Variants in SGPP2 observed in about 807,000 individuals in gnomAD.
SGPP2 encodes sphingosine 1-phosphate phosphohydrolase 2.
In SGPP2, 30 loss-of-function variants were observed where a neutral mutation model predicts 33.9. The ratio of observed to expected loss-of-function variants is 0.89; its 90% CI spans 0.66 to 1.20. The LOEUF (loss-of-function observed/expected upper bound fraction) is 1.20. Ranked by LOEUF, SGPP2 falls within the 50% of genes most tolerant of loss-of-function variation. SGPP2 has a pLI of 0.00. For synonymous variants in SGPP2, 233 were observed against 225.0 expected, an observed-to-expected ratio of 1.04 and a Z score of -0.32; for missense variants, 458 against 532.1, an observed-to-expected ratio of 0.86 and a Z score of 1.37.
chr2:222,443,240 A>C (rs1010768425), intron 1 of SGPP2, among the ~76,000 whole-genome samples: 1 of 152,132 alleles, frequency 6.6e-6, no homozygotes, highest in African/African-American at 2.4e-5. Flanking sequence ...AATTTAATTT[A>C]GATTCATTGA....
rs535872165 is a variant in SGPP2 at position 222,476,575 on chromosome 2, G to A, written c.378+1849G>A. ...TGTCCACGGAGCAGGCAGGATGGGGGCAGGAGAGAGAGAATGGGAGTGGTC... is the reference window on the plus strand; with the variant it reads ...TGTCCACGGAGCAGGCAGGATGGGGACAGGAGAGAGAGAATGGGAGTGGTC... On this transcript the variant is annotated intron_variant, in intron 2 of 4. Transcript: ENST00000321276. This position sits in a 1 kb window ranked among gnomAD's most constrained non-coding sequence, Gnocchi z 4.3. Among the ~76,000 whole-genome samples the A allele has an allele frequency of 3.9e-4, 59 of 152,136 alleles. No individual in the cohort carries two copies. Among genetic ancestry groups the A allele is most frequent in the Non-Finnish European group, 7.1e-4 (48 of 68,020 alleles).
Position 222,472,786 on chromosome 2 carries a change from A to G in SGPP2, c.220-1782A>G, listed in dbSNP as rs186312713. 4.6e-4 allele frequency among the ~76,000 whole-genome samples: 70 copies of G among 152,338 alleles called. No individual in the cohort carries two copies. The East Asian group carries it at 0.011, about 24-fold the overall frequency. ...GTTAAACTAAACTAAAGGCCAAGGCAGGCAGATTACCTGAAGTCAGGAGTT... is the reference window on the plus strand; with the variant it reads ...GTTAAACTAAACTAAAGGCCAAGGCGGGCAGATTACCTGAAGTCAGGAGTT... On this transcript the variant is annotated intron_variant, in intron 1 of 4. Coordinates refer to ENST00000321276, the MANE Select transcript of SGPP2 (RefSeq NM_152386.4).
chr2:222,525,553 GGTCC>G (rs1299433991), intron 4 of SGPP2, among the ~76,000 whole-genome samples: 1 of 152,140 alleles, frequency 6.6e-6, no homozygotes, highest in African/African-American at 2.4e-5. Context: ...TGCATGTAAA[GGTCC>G]ATCCACCCTT....
At position 222,430,690 on chromosome 2, in the gene SGPP2, G is replaced by T. The variant is rs140569573; in HGVS notation, c.219+5869G>T. 1.4e-4 allele frequency among the ~76,000 whole-genome samples: 22 copies of T among 152,194 alleles called. No individual in the cohort carries two copies. In the East Asian group the frequency reaches 2.9e-3, roughly 20 times the overall value. ...AAGTGCGATATAGAAAGAGAAGGGG[G>T]AAAAAAGTAATTTTACAGTGTAGAA... On this transcript the variant is annotated intron_variant, in intron 1 of 4. Coordinates refer to ENST00000321276, the MANE Select transcript of SGPP2 (RefSeq NM_152386.4).
intron 2 of SGPP2, among the ~76,000 whole-genome samples, chr2:222,488,209 G>A (rs1698141989): frequency 6.6e-6 from 1 of 152,210 alleles, no homozygotes; most frequent in African/African-American, 2.4e-5. Context: ...AATCATTAAT[G>A]GTCCTCTGTG....
intron 2 of SGPP2, among the ~76,000 whole-genome samples, chr2:222,514,762 G>C (rs566515656): frequency 2.0e-5 from 3 of 152,128 alleles, no homozygotes; most frequent in South Asian, 2.1e-4. Flanking sequence ...GCATTGAAAG[G>C]CATGTTGCAT....
At chr2:222,424,365 G>C (rs1172359856), upstream of SGPP2, among the ~76,000 whole-genome samples, 5 of 152,062 alleles carry the variant, frequency 3.3e-5, no homozygotes, top group East Asian at 9.7e-4. Context: ...GTGGCCGCCC[G>C]GGGCCGCCCA....
chr2:222,472,133 T>A (rs927282377), intron 1 of SGPP2, among the ~76,000 whole-genome samples: 1 of 152,220 alleles, frequency 6.6e-6, no homozygotes, highest in Non-Finnish European at 1.5e-5. Flanking sequence ...ATTTAAAAGA[T>A]GAATTTGTAA....
At chr2:222,546,825 CAA>C (rs5838955) in intron 4 of SGPP2, among the ~76,000 whole-genome samples, 64 of 116,534 alleles carry the variant, frequency 5.5e-4, no homozygotes, top group Non-Finnish European at 4.4e-4. Context: ...ACACATGTTG[CAA>C]AAAAAAAAAA....
At chr2:222,552,973 C>T (rs1466448301) in intron 4 of SGPP2, among the ~76,000 whole-genome samples, 2 of 152,128 alleles carry the variant, frequency 1.3e-5, no homozygotes. Flanking sequence ...TTCCAGTGTC[C>T]CAATTCCTGT....
In SGPP2 at chr2:222,477,143, G is replaced by GTA. The variant is rs1038211101; in HGVS notation, c.378+2423_378+2424dup. 7.3e-5 allele frequency among the ~76,000 whole-genome samples: 11 copies of GTA among 151,454 alleles called. No individual in the cohort carries two copies. The highest frequency in any genetic ancestry group is 2.7e-4 in the African/African-American group (11 of 41,174). Reference sequence around the variant, plus strand: ...TGTGTATGTGTGTGTATATAGGTGTGTATATATCTGTGTGTGTGTATAGGT... The same window carrying GTA: ...TGTGTATGTGTGTGTATATAGGTGTGTATATATATCTGTGTGTGTGTATAGGT... On this transcript the variant is annotated intron_variant, in intron 2 of 4. Coordinates refer to ENST00000321276, the MANE Select transcript of SGPP2 (RefSeq NM_152386.4). The surrounding 1 kb of genome is among the most constrained non-coding windows in gnomAD (Gnocchi z 6.0).
chr2:222,528,296 C>G (rs192689413), intron 4 of SGPP2, among the ~76,000 whole-genome samples: 1 of 152,118 alleles, frequency 6.6e-6, no homozygotes, highest in African/African-American at 2.4e-5. Flanking sequence ...AGAATCACAG[C>G]GGGTTCAGTT....
chr2:222,468,365 A>G (rs574000863), intron 1 of SGPP2, among the ~76,000 whole-genome samples: 1 of 151,168 alleles, frequency 6.6e-6, no homozygotes, highest in African/African-American at 2.5e-5. Flanking sequence ...ATTTTATTTA[A>G]TGAGCCTTTC....
chr2:222,533,441 G>T (rs1698867844), intron 4 of SGPP2, among the ~76,000 whole-genome samples: 1 of 152,216 alleles, frequency 6.6e-6, no homozygotes, highest in South Asian at 2.1e-4. Context: ...ACTCCTGTAG[G>T]ATGTGAAGGC....
intron 1 of SGPP2, among the ~76,000 whole-genome samples, chr2:222,472,342 A>G (rs1426591512): frequency 6.6e-6 from 1 of 152,070 alleles, no homozygotes; most frequent in African/African-American, 2.4e-5. Flanking sequence ...AGGGCCCACT[A>G]GCCAAGTGGA....
intron 3 of SGPP2, among the ~76,000 whole-genome samples, chr2:222,523,312 C>T (rs1202292661): frequency 6.6e-6 from 1 of 152,220 alleles, no homozygotes; most frequent in African/African-American, 2.4e-5. Flanking sequence ...GAGCTCCTGG[C>T]ACTGTCTGAA....
chr2:222,452,554 T>C (rs1697508044), intron 1 of SGPP2: 1 of 1,145,272 alleles, frequency 8.7e-7, no homozygotes, highest in African/African-American at 1.5e-5. Context: ...TGGAACTACA[T>C]GCAGGACTGT....
intron 1 of SGPP2, among the ~76,000 whole-genome samples, chr2:222,442,952 G>T (rs992120207): frequency 6.6e-6 from 1 of 152,110 alleles, no homozygotes; most frequent in Non-Finnish European, 1.5e-5. Context: ...AAATCAGAAC[G>T]ATCAAATATT....
intron 4 of SGPP2, among the ~76,000 whole-genome samples, chr2:222,545,438 C>T (rs531462986): frequency 5.8e-4 from 88 of 152,028 alleles, no homozygotes; most frequent in African/African-American, 1.0e-3. Flanking sequence ...TGTGCCACCA[C>T]GCCTGGCTAA....
Sources: gnomAD v4.1 joint callset for allele counts (sites outside exome capture counted in the v4.1 genomes callset) on GRCh38, gnomAD v4.1.1 for gene constraint, Gnocchi (gnomAD v3.1) non-coding constraint, MANE v1.5 for transcripts, NCBI Gene and HGNC (gene_info 2026-07-23, HGNC 2026-07-21) for gene names.